CMIP: variants seen among roughly 807,000 people sequenced by gnomAD.
CMIP encodes the protein C-Maf-inducing protein.
In CMIP, 13 loss-of-function variants were observed where a neutral mutation model predicts 97.3. The ratio of observed to expected loss-of-function variants is 0.13; its 90% CI spans 0.09 to 0.21. The LOEUF is 0.21. CMIP is among the 10% of genes least tolerant of loss of function. The probability of loss-of-function intolerance (pLI) is 1.00; values close to 1 mark genes in which losing one functional copy is unlikely to be tolerated. For synonymous variants in CMIP, 538 were observed against 436.3 expected, an observed-to-expected ratio of 1.23 and a Z score of -2.91; for missense variants, 847 against 1,024.9, an observed-to-expected ratio of 0.83 and a Z score of 2.37.
chr16:81,458,003 G>A (rs937678470), intron 1 of CMIP, among the ~76,000 whole-genome samples: 1 of 152,260 alleles, frequency 6.6e-6, no homozygotes, highest in African/African-American at 2.4e-5. Flanking sequence ...AGAGATCTGG[G>A]TTGTTGAAAA....
At chr16:81,625,802 C>T (rs1281422793) in intron 3 of CMIP, among the ~76,000 whole-genome samples, 1 of 152,158 alleles carries the variant, frequency 6.6e-6, no homozygotes, top group Non-Finnish European at 1.5e-5. Flanking sequence ...TGCCTCTCCA[C>T]CTTCTCGCTT....
chr16:81,568,047 T>TTTG (rs2091015711), intron 1 of CMIP, among the ~76,000 whole-genome samples: 1 of 147,578 alleles, frequency 6.8e-6, no homozygotes, highest in South Asian at 2.2e-4. Flanking sequence ...GTGTTTTTTT[T>TTTG]TTTTTTTTTT....
chr16:81,595,935 C>T lies in CMIP; in HGVS notation c.301-11632C>T, dbSNP rs529452655. 5.3e-5 allele frequency among the ~76,000 whole-genome samples: 8 copies of T among 152,226 alleles called. No individual in the cohort carries two copies. The South Asian group carries it at 6.2e-4, about 12-fold the overall frequency. ...AATTACTGGGTCATACTTAACTTTT[C>T]GAAGAACTACCAAACTATTTTACAA... On this transcript the variant is annotated intron_variant, in intron 1 of 20. Coordinates refer to ENST00000537098, the MANE Select transcript of CMIP (RefSeq NM_198390.3).
intron 1 of CMIP, among the ~76,000 whole-genome samples, chr16:81,553,333 G>A (rs2150860141): frequency 6.6e-6 from 1 of 152,266 alleles, no homozygotes; most frequent in South Asian, 2.1e-4. Flanking sequence ...CAGGGATGTG[G>A]GAAATAGGAC....
At chr16:81,707,670 G>A (rs1213883035) in intron 20 of CMIP, among the ~76,000 whole-genome samples, 1 of 152,268 alleles carries the variant, frequency 6.6e-6, no homozygotes, top group East Asian at 1.9e-4. Context: ...GAAAGAAAAA[G>A]GATCGGAGGG....
intron 14 of CMIP, among the ~76,000 whole-genome samples, 199 bp from the exon 15 acceptor site, chr16:81,699,486 A>G (rs953831103): frequency 6.6e-6 from 1 of 152,142 alleles, no homozygotes; most frequent in Non-Finnish European, 1.5e-5. Context: ...TAGTGTCCTC[A>G]GGGTTCATCT....
intron 1 of CMIP, among the ~76,000 whole-genome samples, chr16:81,472,452 A>C (rs540025177): frequency 2.0e-5 from 3 of 152,108 alleles, no homozygotes; most frequent in African/African-American, 7.2e-5. Context: ...TGCGTGGAGG[A>C]GTGGCCCATC....
chr16:81,495,759 CCTG>C (rs1339166728), intron 1 of CMIP, among the ~76,000 whole-genome samples: 3 of 152,238 alleles, frequency 2.0e-5, no homozygotes, highest in Admixed American at 1.3e-4. Flanking sequence ...GAAGCCCCTG[CCTG>C]CTGTGGTCAG....
chr16:81,533,335 A>G (rs1441230006), intron 1 of CMIP, among the ~76,000 whole-genome samples: 2 of 152,228 alleles, frequency 1.3e-5, no homozygotes, highest in Non-Finnish European at 2.9e-5. Flanking sequence ...ATGAATCATC[A>G]GTCAGTCAAA....
chr16:81,495,442 A>G (rs1434345881), intron 1 of CMIP: 1 of 1,610,388 alleles, frequency 6.2e-7, no homozygotes, highest in African/African-American at 1.3e-5. Context: ...GCGAGGAGGG[A>G]AGTTACAGAT....
chr16:81,499,931 C>T (rs1020108246), intron 1 of CMIP, among the ~76,000 whole-genome samples: 5 of 152,256 alleles, frequency 3.3e-5, no homozygotes, highest in East Asian at 1.9e-4. Flanking sequence ...CCTTGCCTTC[C>T]GGGGCGCCCC....
chr16:81,601,418 G>T (rs1394342755), intron 1 of CMIP, among the ~76,000 whole-genome samples: 1 of 151,982 alleles, frequency 6.6e-6, no homozygotes. Context: ...GGCTCTTTCT[G>T]GGGGGGTCAG....
At chr16:81,477,866 C>T (rs1054728057) in intron 1 of CMIP, among the ~76,000 whole-genome samples, 1 of 152,182 alleles carries the variant, frequency 6.6e-6, no homozygotes, top group African/African-American at 2.4e-5. Context: ...ATTTCGTTTG[C>T]ATTCCAGTTA....
rs2092436077 is a variant in CMIP, at chr16:81,652,216, A to G, written c.491A>G (p.Lys164Arg). 2 of 1,612,994 alleles carry G rather than the reference A, an allele frequency of 1.2e-6. No individual in the cohort carries two copies. The highest frequency in any genetic ancestry group is 1.3e-5 in the African/African-American group (1 of 74,994). ...HSLQWKKKIY[K>R]YKKVLSNPSR... ...TCTTTCAACCAGAAAAAGATTTACAAATATAAGAAAGTGCTGAGTAACCCA... is the reference window on the plus strand; with the variant it reads ...TCTTTCAACCAGAAAAAGATTTACAGATATAAGAAAGTGCTGAGTAACCCA... Residue 164 changes from lysine (K) to arginine (R), a missense_variant, in exon 4 of 21, where the codon AAA becomes AGA. Physicochemically the swap from Lys to Arg is conservative, Grantham distance 26. Coordinates refer to ENST00000537098, the MANE Select transcript of CMIP (RefSeq NM_198390.3). The surrounding 1 kb of genome is among the most constrained non-coding windows in gnomAD (Gnocchi z 5.2).
At chr16:81,680,461 G>C (rs1055823860) in intron 10 of CMIP, among the ~76,000 whole-genome samples, 2 of 152,226 alleles carry the variant, frequency 1.3e-5, no homozygotes, top group Non-Finnish European at 2.9e-5. Context: ...GTTTGAAGGA[G>C]ATCGTGGAGG....
chr16:81,703,488 C>G (rs1489577000), intron 17 of CMIP, among the ~76,000 whole-genome samples: 1 of 151,996 alleles, frequency 6.6e-6, no homozygotes, highest in Non-Finnish European at 1.5e-5. Flanking sequence ...CACACAGAGA[C>G]ACACCAACAC....
In CMIP at chr16:81,501,686, A is replaced by G. The variant is rs148756508; in HGVS notation, c.300+56145A>G. Among the ~76,000 whole-genome samples the G allele has an allele frequency of 1.9e-4, 28 of 147,050 alleles. 1 individual carries two copies. The East Asian group carries it at 5.6e-3, about 29-fold the overall frequency. On this transcript the variant is annotated intron_variant, in intron 1 of 20. Transcript: ENST00000537098. ...GAGTGCAGTGTCGTGATCTCAGCTC[A>G]CTGCAACTTCTGCTTCCCAGGTTCT...
chr16:81,512,095 A>G (rs1256294823), intron 1 of CMIP, among the ~76,000 whole-genome samples: 1 of 152,260 alleles, frequency 6.6e-6, no homozygotes, highest in Non-Finnish European at 1.5e-5. Flanking sequence ...TATTATTAAC[A>G]TTGATTTCAC....
intron 3 of CMIP, among the ~76,000 whole-genome samples, chr16:81,625,595 G>C (rs745315158): frequency 9.9e-5 from 15 of 152,246 alleles, no homozygotes; most frequent in Non-Finnish European, 2.2e-4. Flanking sequence ...AAAGCATTGA[G>C]AAGATTGGCC....
Sources: gnomAD v4.1 joint callset for allele counts (sites outside exome capture counted in the v4.1 genomes callset) on GRCh38, gnomAD v4.1.1 for gene constraint, Gnocchi (gnomAD v3.1) non-coding constraint, MANE v1.5 for transcripts, NCBI Gene and HGNC (gene_info 2026-07-23, HGNC 2026-07-21) for gene names.